PRKG1: variants seen among roughly 807,000 people sequenced by gnomAD.
The protein encoded by PRKG1 is protein kinase cGMP-dependent 1.
PRKG1 carries 35 observed loss-of-function variants against 88.1 expected under a neutral mutation model. The observed-to-expected ratio is 0.40, with a 90% confidence interval of 0.30 to 0.53. PRKG1 has a LOEUF of 0.53. Among genes scored for constraint, PRKG1 ranks in the 20% least tolerant of loss-of-function variants. The pLI, the probability that PRKG1 is intolerant of heterozygous loss-of-function variation, is 0.59. For missense variants in PRKG1, 540 were observed against 839.8 expected, an observed-to-expected ratio of 0.64 and a Z score of 4.41; for synonymous variants, 303 against 292.5, an observed-to-expected ratio of 1.04 and a Z score of -0.37.
chr10:51,201,486 G>T (rs1225318375), intron 2 of PRKG1, among the ~76,000 whole-genome samples: 1 of 152,092 alleles, frequency 6.6e-6, no homozygotes, highest in Non-Finnish European at 1.5e-5. Flanking sequence ...GCAGGAAAAT[G>T]TAATATATCA....
At chr10:51,124,490 T>A (rs953881006) in intron 1 of PRKG1, among the ~76,000 whole-genome samples, 3 of 152,088 alleles carry the variant, frequency 2.0e-5, no homozygotes, top group Admixed American at 1.3e-4. Context: ...GACCCATGTT[T>A]GTGGGTGTGG....
At chr10:51,234,736 T>G (rs1408568097) in intron 2 of PRKG1, among the ~76,000 whole-genome samples, 1 of 152,134 alleles carries the variant, frequency 6.6e-6, no homozygotes, top group Non-Finnish European at 1.5e-5. Flanking sequence ...ATTTTTTTCC[T>G]CAATTAGAGT....
intron 7 of PRKG1, among the ~76,000 whole-genome samples, chr10:52,071,943 C>T (rs1846505736): frequency 6.6e-6 from 1 of 152,102 alleles, no homozygotes; most frequent in African/African-American, 2.4e-5. Context: ...CTTGGGCTGA[C>T]AGAGAGAGTT....
At position 51,605,988 on chromosome 10, in the gene PRKG1, T is replaced by G. The variant is rs574473596; in HGVS notation, c.592+138152T>G. ...CTAAAGACTACATGGCTAACGCATCTGGGACTAGCTAACACGACACCTGGT... is the reference window on the plus strand; with the variant it reads ...CTAAAGACTACATGGCTAACGCATCGGGGACTAGCTAACACGACACCTGGT... On this transcript the variant is annotated intron_variant, in intron 3 of 17. Transcript: ENST00000373980. Among the ~76,000 whole-genome samples the G allele has an allele frequency of 3.3e-4, 50 of 152,290 alleles. No homozygotes were observed. The South Asian group carries it at 0.01, about 31-fold the overall frequency.
chr10:52,007,877 C>G, intron 5 of PRKG1, among the ~76,000 whole-genome samples: 1 of 151,910 alleles, frequency 6.6e-6, no homozygotes, highest in Non-Finnish European at 1.5e-5. Flanking sequence ...TAAAATCAGA[C>G]ATAAAATAGT....
chr10:52,024,282 T>C (rs114158570), intron 5 of PRKG1, among the ~76,000 whole-genome samples: 7,446 of 151,432 alleles, frequency 0.049, 460 homozygotes, highest in African/African-American at 0.15. Flanking sequence ...AAAACTACTT[T>C]ACTTATTTAT....
chr10:51,432,628 G>A (rs1026736275), intron 2 of PRKG1, among the ~76,000 whole-genome samples: 3 of 151,962 alleles, frequency 2.0e-5, no homozygotes, highest in African/African-American at 4.8e-5. Flanking sequence ...AAATGGCTGG[G>A]GAAGAAAAGG....
intron 2 of PRKG1, among the ~76,000 whole-genome samples, chr10:51,205,424 A>G (rs1838032933): frequency 6.7e-6 from 1 of 149,298 alleles, no homozygotes; most frequent in South Asian, 2.1e-4. Flanking sequence ...TGTGTGACCC[A>G]CCGTGTCCAC....
intron 1 of PRKG1, among the ~76,000 whole-genome samples, chr10:51,088,902 A>G (rs1291597873): frequency 6.6e-6 from 1 of 151,768 alleles, no homozygotes; most frequent in Admixed American, 6.6e-5. Context: ...TACAGTTTAA[A>G]CATTGGAAAC....
intron 5 of PRKG1, among the ~76,000 whole-genome samples, chr10:51,938,702 C>T (rs1336180884): frequency 6.6e-6 from 1 of 151,882 alleles, no homozygotes; most frequent in African/African-American, 2.4e-5. Context: ...TCAGGGGTAT[C>T]CCTAGTCACA....
At chr10:51,099,384 G>C (rs1589151292) in intron 1 of PRKG1, among the ~76,000 whole-genome samples, 2 of 148,790 alleles carry the variant, frequency 1.3e-5, no homozygotes, top group Non-Finnish European at 1.5e-5. Context: ...CAGCATTCAA[G>C]ACACACACAC....
chr10:51,514,529 T>A (rs1235801522), intron 3 of PRKG1, among the ~76,000 whole-genome samples: 1 of 152,130 alleles, frequency 6.6e-6, no homozygotes, highest in East Asian at 1.9e-4. Context: ...ATTCCAAACT[T>A]AAAGGCAAAG....
At chr10:51,321,634 G>C (rs1450109579) in intron 2 of PRKG1, among the ~76,000 whole-genome samples, 1 of 152,084 alleles carries the variant, frequency 6.6e-6, no homozygotes, top group African/African-American at 2.4e-5. Context: ...TAGTAGCGGG[G>C]GGATGGTTAA....
At chr10:51,954,398 G>A (rs1461478568) in intron 5 of PRKG1, among the ~76,000 whole-genome samples, 3 of 152,062 alleles carry the variant, frequency 2.0e-5, no homozygotes, top group Non-Finnish European at 4.4e-5. Context: ...CAAGGATTAT[G>A]CTTTACTGAA....
intron 9 of PRKG1, among the ~76,000 whole-genome samples, chr10:52,209,705 T>G (rs1468588424): frequency 6.6e-6 from 1 of 152,172 alleles, no homozygotes; most frequent in Non-Finnish European, 1.5e-5. Flanking sequence ...TAATTTTCTC[T>G]ATATCACAAA....
intron 4 of PRKG1, among the ~76,000 whole-genome samples, chr10:51,816,714 C>G (rs924627778): frequency 6.6e-6 from 1 of 151,994 alleles, no homozygotes. Context: ...AATATTTATG[C>G]TAAAGCCCAG....
At chr10:51,980,137 A>G (rs1467385033) in intron 5 of PRKG1, among the ~76,000 whole-genome samples, 1 of 152,014 alleles carries the variant, frequency 6.6e-6, no homozygotes, top group Non-Finnish European at 1.5e-5. Context: ...TTTTCTTCTT[A>G]AGACTGCCTT....
intron 3 of PRKG1, among the ~76,000 whole-genome samples, chr10:51,473,115 C>A (rs1840093522): frequency 6.6e-6 from 1 of 151,834 alleles, no homozygotes; most frequent in African/African-American, 2.4e-5. Context: ...AGACAATATT[C>A]TTCTTAGTAA....
chr10:52,206,207 T>G (rs1006859285), intron 9 of PRKG1, among the ~76,000 whole-genome samples: 1 of 152,238 alleles, frequency 6.6e-6, no homozygotes, highest in African/African-American at 2.4e-5. Flanking sequence ...CTGCTGTTAA[T>G]ATTTGTTATC....
Sources: allele counts gnomAD v4.1 joint callset (sites outside exome capture counted in the v4.1 genomes callset), GRCh38; gene constraint gnomAD v4.1.1; transcripts MANE v1.5; gene names NCBI Gene and HGNC (gene_info 2026-07-23, HGNC 2026-07-21).